NIM1K: variants seen among roughly 807,000 people sequenced by gnomAD.
NIM1K encodes serine/threonine-protein kinase NIM1.
A neutral mutation model predicts 37.1 loss-of-function variants in NIM1K; 35 were observed. The observed-to-expected ratio is 0.94, with a 90% CI of 0.72 to 1.25. The LOEUF is 1.25. Among genes scored for constraint, NIM1K ranks in the 50% most tolerant of loss-of-function variants. The probability of loss-of-function intolerance (pLI) is 0.00; values close to 1 mark genes in which losing one functional copy is unlikely to be tolerated. For synonymous variants in NIM1K, 234 were observed against 206.6 expected (o/e 1.13, Z -1.14); for missense variants, 564 against 548.0 (o/e 1.03, Z -0.29).
intron 1 of NIM1K, among the ~76,000 whole-genome samples, chr5:43,203,764 G>A (rs910281919): frequency 3.9e-5 from 6 of 152,160 alleles, no homozygotes; most frequent in African/African-American, 1.2e-4. Context: ...AGTGGCTCAC[G>A]TCTGTAATCC....
chr5:43,269,733 C>T (rs1412201865), intron 2 of NIM1K, among the ~76,000 whole-genome samples: 1 of 152,090 alleles, frequency 6.6e-6, no homozygotes, highest in Admixed American at 6.5e-5. Flanking sequence ...ATTCTCCTGC[C>T]TCAGCCTCCC....
Position 43,195,344 on chromosome 5 carries a change from G to C in NIM1K, c.-695+2933G>C, listed in dbSNP as rs185321860. ...CTGAGGAATATTAATCAGTTTTACAGATGGACAAGTTGTGTTCAAAAGCCA... is the reference window on the plus strand; with the variant it reads ...CTGAGGAATATTAATCAGTTTTACACATGGACAAGTTGTGTTCAAAAGCCA... On this transcript the variant is annotated intron_variant, in intron 1 of 3. Coordinates refer to ENST00000326035, the MANE Select transcript of NIM1K (RefSeq NM_153361.4). Among the ~76,000 whole-genome samples the C allele has an allele frequency of 5.2e-3, 796 of 152,276 alleles. 5 individuals carry two copies. Among genetic ancestry groups the C allele is most frequent in the African/African-American group, 0.018 (748 of 41,558 alleles).
intron 1 of NIM1K, among the ~76,000 whole-genome samples, chr5:43,218,217 G>A (rs937882260): frequency 6.6e-6 from 1 of 151,664 alleles, no homozygotes; most frequent in Non-Finnish European, 1.5e-5. Flanking sequence ...CACCATGTTG[G>A]TCAGACTGGT....
At chr5:43,252,279 G>A (rs1752876749) in intron 2 of NIM1K, among the ~76,000 whole-genome samples, 1 of 152,188 alleles carries the variant, frequency 6.6e-6, no homozygotes, top group African/African-American at 2.4e-5. Context: ...GTGGGTGGGT[G>A]CCTTGTGTGG....
In NIM1K at chr5:43,246,043, C is replaced by T. The variant is rs747220994; in HGVS notation, c.268C>T (p.Leu90Phe). Residue 90 changes from leucine to phenylalanine, a missense_variant, in exon 2 of 4, where the codon CTT becomes TTT. Coordinates refer to ENST00000326035, the MANE Select transcript of NIM1K (RefSeq NM_153361.4). ...IGSGNFSQVKLGIHSLTKEKV... is the reference protein window; with the variant it reads ...IGSGNFSQVKFGIHSLTKEKV... ...AAGTGGAAACTTCTCCCAAGTGAAG[C>T]TTGGGATTCACTCCCTAACCAAAGG... 6.2e-7 allele frequency: 1 copy of T among 1,612,924 alleles called. No homozygotes were observed. The highest frequency in any genetic ancestry group is 1.7e-5 in the Admixed American group (1 of 59,958).
rs1752168863 is a variant in NIM1K, at chr5:43,209,161, C to T, written c.-695+16750C>T. On this transcript the variant is annotated intron_variant, in intron 1 of 3. Transcript: ENST00000326035. ...GTTGGTGTGATCATTTTAACCTCAGCAGCCTTCCAAGGGAAAACCATAATC... is the reference window on the plus strand; with the variant it reads ...GTTGGTGTGATCATTTTAACCTCAGTAGCCTTCCAAGGGAAAACCATAATC... Among the ~76,000 whole-genome samples, 3 of 152,220 alleles carry T rather than the reference C, an allele frequency of 2.0e-5. 1 individual carries two copies. The South Asian group carries it at 6.2e-4, about 31-fold the overall frequency.
chr5:43,201,693 G>C (rs1752022876), intron 1 of NIM1K, among the ~76,000 whole-genome samples: 1 of 151,696 alleles, frequency 6.6e-6, no homozygotes, highest in African/African-American at 2.4e-5. Context: ...GGGCGTGGTG[G>C]TTCATGCCTG....
chr5:43,205,838 G>A (rs984063797), intron 1 of NIM1K, among the ~76,000 whole-genome samples: 10 of 152,044 alleles, frequency 6.6e-5, no homozygotes, highest in Non-Finnish European at 1.3e-4. Flanking sequence ...TCAGCCTCCC[G>A]AGTAGCTGGG....
intron 1 of NIM1K, among the ~76,000 whole-genome samples, chr5:43,242,599 T>C (rs1752718963): frequency 6.6e-6 from 1 of 151,926 alleles, no homozygotes; most frequent in African/African-American, 2.4e-5. Flanking sequence ...AAATGTGGAC[T>C]GAAATAAACT....
chr5:43,235,662 AG>A (rs1752609729), intron 1 of NIM1K, among the ~76,000 whole-genome samples: 1 of 152,230 alleles, frequency 6.6e-6, no homozygotes, highest in Admixed American at 6.5e-5. Flanking sequence ...AAATGTATTC[AG>A]TAAGGATGAA....
intron 1 of NIM1K, among the ~76,000 whole-genome samples, chr5:43,214,401 T>C (rs770541728): frequency 3.3e-5 from 5 of 152,226 alleles, no homozygotes; most frequent in Non-Finnish European, 5.9e-5. Context: ...ATTTCCCTCC[T>C]TCCTGGCAAC....
intron 1 of NIM1K, among the ~76,000 whole-genome samples, chr5:43,202,706 G>A (rs1467970256): frequency 6.6e-6 from 1 of 152,190 alleles, no homozygotes; most frequent in Admixed American, 6.5e-5. Flanking sequence ...ATTGCCATTT[G>A]TTTTTGCCAT....
chr5:43,268,357 T>C (rs564416210), intron 2 of NIM1K, among the ~76,000 whole-genome samples: 1 of 152,178 alleles, frequency 6.6e-6, no homozygotes, highest in African/African-American at 2.4e-5. Context: ...CAAAGGCTTG[T>C]TGGTTAGGGG....
intron 2 of NIM1K, among the ~76,000 whole-genome samples, chr5:43,251,867 T>C (rs150670814): frequency 5.0e-4 from 76 of 152,294 alleles, no homozygotes; most frequent in African/African-American, 1.8e-3. Flanking sequence ...AGAAAGAATA[T>C]ACTTAATTAC....
rs146980950 is a variant in NIM1K, at chr5:43,279,197, C to T, written c.562-783C>T. Among the ~76,000 whole-genome samples the T allele has an allele frequency of 5.3e-3, 813 of 152,272 alleles. 5 individuals are homozygous for T. Among genetic ancestry groups the T allele is most frequent in the African/African-American group, 0.019 (780 of 41,542 alleles). On this transcript the variant is annotated intron_variant, in intron 3 of 3. Coordinates refer to ENST00000326035, the MANE Select transcript of NIM1K (RefSeq NM_153361.4). ...CATGCTGAGCACTGTTCTCATCATA[C>T]GTAGTTAGCGTCATATATAGTTCTC... is the stretch of plus-strand genomic sequence containing the variant.
intron 1 of NIM1K, chr5:43,232,194 C>A (rs866413156): frequency 5.0e-6 from 5 of 994,286 alleles, no homozygotes; most frequent in Non-Finnish European, 7.8e-6. Context: ...GCATTGACGT[C>A]TTTGAGAACC....
Position 43,245,747 on chromosome 5 carries a change from T to A in NIM1K, c.-29T>A. On this transcript the variant is annotated 5_prime_UTR_variant, in exon 2 of 4. Coordinates refer to ENST00000326035, the MANE Select transcript of NIM1K (RefSeq NM_153361.4). ...GCTCCTGCACAACCTGCCTCTTCGC[T>A]GAGATGGAGACGTGAGCCCCCGTGG... The A allele has an allele frequency of 6.5e-7, 1 of 1,544,036 alleles. No homozygotes were observed. The highest frequency in any genetic ancestry group is 8.8e-7 in the Non-Finnish European group (1 of 1,142,110).
intron 1 of NIM1K, among the ~76,000 whole-genome samples, chr5:43,238,143 C>T (rs1044512168): frequency 8.0e-5 from 12 of 150,602 alleles, no homozygotes; most frequent in African/African-American, 2.4e-4. Context: ...CACGGGTTCA[C>T]GCCATTCTCC....
At chr5:43,255,906 A>G (rs1323193657) in intron 2 of NIM1K, among the ~76,000 whole-genome samples, 1 of 151,674 alleles carries the variant, frequency 6.6e-6, no homozygotes, top group East Asian at 1.9e-4. Context: ...GGGGAACTCC[A>G]TCAAGCAGAA....
Sources: allele counts gnomAD v4.1 joint callset (sites outside exome capture counted in the v4.1 genomes callset), GRCh38; gene constraint gnomAD v4.1.1; transcripts MANE v1.5; gene names NCBI Gene and HGNC (gene_info 2026-07-23, HGNC 2026-07-21).